Variants in EPHA6 observed in about 807,000 individuals in gnomAD.
The protein encoded by EPHA6 is EPH receptor A6.
EPHA6 carries 50 observed loss-of-function variants against 112.0 expected under a neutral mutation model. The observed-to-expected ratio is 0.45, with a 90% confidence interval of 0.36 to 0.56. EPHA6 has a LOEUF of 0.56. Ranked by LOEUF, EPHA6 falls within the 20% of genes least tolerant of loss-of-function variation. The pLI, the probability that EPHA6 is intolerant of heterozygous loss-of-function variation, is 0.00. For missense variants in EPHA6, 1,280 were observed against 1,417.4 expected, an observed-to-expected ratio of 0.90 and a Z score of 1.56; for synonymous variants, 529 against 490.7, an observed-to-expected ratio of 1.08 and a Z score of -1.03.
At chr3:97,031,701 C>T (rs2084547316) in intron 3 of EPHA6, among the ~76,000 whole-genome samples, 3 of 151,658 alleles carry the variant, frequency 2.0e-5, no homozygotes, top group South Asian at 4.1e-4. Context: ...AAAAATTGCT[C>T]ATCATCACTG....
intron 15 of EPHA6, among the ~76,000 whole-genome samples, chr3:97,722,353 T>C (rs558976080): frequency 6.6e-6 from 1 of 152,296 alleles, no homozygotes; most frequent in East Asian, 1.9e-4. Flanking sequence ...CATATTACAT[T>C]TGGAAGGGAC....
intron 3 of EPHA6, among the ~76,000 whole-genome samples, chr3:97,123,781 G>A (rs2048107733): frequency 6.6e-6 from 1 of 152,028 alleles, no homozygotes. Flanking sequence ...GGCTTCAAGT[G>A]GACAAGTGAT....
At chr3:97,309,079 T>C (rs374947837) in intron 5 of EPHA6, among the ~76,000 whole-genome samples, 3 of 151,766 alleles carry the variant, frequency 2.0e-5, no homozygotes, top group Non-Finnish European at 4.4e-5. Context: ...ATGGATGTGG[T>C]CTTTATTTTG....
intron 1 of EPHA6, among the ~76,000 whole-genome samples, chr3:96,864,543 G>A (rs1486361010): frequency 1.3e-5 from 2 of 152,044 alleles, no homozygotes; most frequent in African/African-American, 4.8e-5. Flanking sequence ...GGATGGGGTA[G>A]GAAAGGGATT....
chr3:96,844,332 ATTAG>A (rs1472437472), intron 1 of EPHA6, among the ~76,000 whole-genome samples: 5 of 151,960 alleles, frequency 3.3e-5, no homozygotes, highest in Non-Finnish European at 5.9e-5. Flanking sequence ...CCTGTGTACT[ATTAG>A]TTAAACTTCC....
intron 3 of EPHA6, among the ~76,000 whole-genome samples, chr3:97,210,627 G>C (rs561272865): frequency 6.6e-6 from 1 of 152,258 alleles, no homozygotes; most frequent in East Asian, 1.9e-4. Flanking sequence ...CTAATGATGA[G>C]AACTCGAATT....
intron 13 of EPHA6, among the ~76,000 whole-genome samples, chr3:97,634,482 G>A (rs1299972266): frequency 6.6e-6 from 1 of 151,976 alleles, no homozygotes; most frequent in East Asian, 1.9e-4. Context: ...ACACAGGTGG[G>A]GTTCCCTGGG....
chr3:96,851,291 A>G (rs542596904), intron 1 of EPHA6, among the ~76,000 whole-genome samples: 36 of 152,328 alleles, frequency 2.4e-4, no homozygotes, highest in African/African-American at 8.7e-4. Context: ...CTCCAATAAT[A>G]AAGAAATGTA....
intron 16 of EPHA6, among the ~76,000 whole-genome samples, chr3:97,741,635 T>C (rs2035510083): frequency 6.6e-6 from 1 of 152,046 alleles, no homozygotes; most frequent in African/African-American, 2.4e-5. Context: ...ACAGCAATAA[T>C]GAGTAGATCA....
At chr3:97,437,279 C>T (rs1156311146) in intron 6 of EPHA6, among the ~76,000 whole-genome samples, 2 of 151,958 alleles carry the variant, frequency 1.3e-5, no homozygotes, top group African/African-American at 4.8e-5. Context: ...TATTATTTCC[C>T]CCACTTTTGT....
intron 3 of EPHA6, among the ~76,000 whole-genome samples, chr3:97,028,157 T>C (rs2044706422): frequency 6.6e-6 from 1 of 152,078 alleles, no homozygotes; most frequent in Admixed American, 6.6e-5. Flanking sequence ...AGAAACTGGT[T>C]TTGTTTATAT....
At chr3:97,210,083 T>C (rs1399475249) in intron 3 of EPHA6, among the ~76,000 whole-genome samples, 1 of 152,308 alleles carries the variant, frequency 6.6e-6, no homozygotes, top group East Asian at 1.9e-4. Context: ...TAAAACTGTA[T>C]ATGCCAATTA....
chr3:97,476,255 TA>T (rs2091366520), intron 8 of EPHA6, among the ~76,000 whole-genome samples: 1 of 152,080 alleles, frequency 6.6e-6, no homozygotes, highest in Non-Finnish European at 1.5e-5. Flanking sequence ...AACAAGAAGA[TA>T]AAATAGTCTA....
chr3:96,882,553 T>C (rs2037376115), intron 2 of EPHA6, among the ~76,000 whole-genome samples: 2 of 152,270 alleles, frequency 1.3e-5, no homozygotes, highest in Admixed American at 1.3e-4. Flanking sequence ...CATTGTGTCA[T>C]TCTTATGCCT....
At chr3:97,316,130 A>G (rs1290712847) in intron 5 of EPHA6, among the ~76,000 whole-genome samples, 1 of 151,836 alleles carries the variant, frequency 6.6e-6, no homozygotes, top group Non-Finnish European at 1.5e-5. Context: ...ATAATGCAAC[A>G]ATTGACTAAG....
At chr3:96,841,176 T>C (rs2034722984) in intron 1 of EPHA6, among the ~76,000 whole-genome samples, 1 of 152,080 alleles carries the variant, frequency 6.6e-6, no homozygotes, top group African/African-American at 2.4e-5. Context: ...CTGGTCAACT[T>C]GAAGTGGAGA....
chr3:97,709,183 C>T (rs1176718580), intron 14 of EPHA6, among the ~76,000 whole-genome samples: 1 of 151,032 alleles, frequency 6.6e-6, no homozygotes, highest in Non-Finnish European at 1.5e-5. Flanking sequence ...GCCACAGGCA[C>T]TCAACGCCAG....
At chr3:96,967,112 T>C (rs1256704535) in intron 2 of EPHA6, among the ~76,000 whole-genome samples, 1 of 151,532 alleles carries the variant, frequency 6.6e-6, no homozygotes, top group Non-Finnish European at 1.5e-5. Context: ...CTTTGAAAAA[T>C]AATTACTCTT....
intron 14 of EPHA6, among the ~76,000 whole-genome samples, chr3:97,638,491 C>G (rs561974426): frequency 6.6e-6 from 1 of 152,092 alleles, no homozygotes; most frequent in East Asian, 1.9e-4. Context: ...ACTTTATTTC[C>G]AAATGGTTTT....
Sources: gnomAD v4.1 joint callset for allele counts (sites outside exome capture counted in the v4.1 genomes callset) on GRCh38, gnomAD v4.1.1 for gene constraint, MANE v1.5 for transcripts, NCBI Gene and HGNC (gene_info 2026-07-23, HGNC 2026-07-21) for gene names.